FRMD3: variants seen among roughly 807,000 people sequenced by gnomAD.
FRMD3 encodes the protein FERM domain-containing protein 3.
In FRMD3, 33 loss-of-function variants were observed where a neutral mutation model predicts 70.2. The observed-to-expected ratio is 0.47, with a 90% CI of 0.36 to 0.63. The LOEUF is 0.63. FRMD3 is among the 20% of genes least tolerant of loss of function. The probability of loss-of-function intolerance (pLI) is 0.00; values close to 1 mark genes in which losing one functional copy is unlikely to be tolerated. For synonymous variants in FRMD3, 279 were observed against 255.9 expected (o/e 1.09, Z -0.86); for missense variants, 632 against 711.4 (o/e 0.89, Z 1.27).
chr9:83,483,514 TGCTTAA>T (rs1359700698), intron 1 of FRMD3, among the ~76,000 whole-genome samples: 1 of 152,220 alleles, frequency 6.6e-6, no homozygotes, highest in Non-Finnish European at 1.5e-5. Context: ...AATCCTTGTG[TGCTTAA>T]ATGAGCTATT....
intron 13 of FRMD3, among the ~76,000 whole-genome samples, chr9:83,249,455 T>C (rs559074624): frequency 6.6e-6 from 1 of 152,294 alleles, no homozygotes; most frequent in South Asian, 2.1e-4. Flanking sequence ...TCCTCCAGGA[T>C]GGATCTACCA....
At chr9:83,312,063 C>A (rs967298372) in intron 7 of FRMD3, 88 bp from the exon 8 acceptor site, 1 of 1,006,306 alleles carries the variant, frequency 9.9e-7, no homozygotes. Context: ...TTCATCCTCA[C>A]CCTAGGTTAA....
chr9:83,397,481 G>A (rs1468890501), intron 1 of FRMD3, among the ~76,000 whole-genome samples: 1 of 152,104 alleles, frequency 6.6e-6, no homozygotes, highest in Non-Finnish European at 1.5e-5. Flanking sequence ...AATGGAGGAA[G>A]AAAAACTTAA....
intron 1 of FRMD3, among the ~76,000 whole-genome samples, chr9:83,458,283 G>A (rs1416778125): frequency 6.6e-6 from 1 of 152,220 alleles, no homozygotes; most frequent in Non-Finnish European, 1.5e-5. Flanking sequence ...GCTATAGCTG[G>A]ACACAAGGTC....
intron 13 of FRMD3, among the ~76,000 whole-genome samples, chr9:83,250,456 A>G (rs1381617100): frequency 6.6e-6 from 1 of 152,162 alleles, no homozygotes; most frequent in African/African-American, 2.4e-5. Context: ...ATCTATCTGT[A>G]CATATCCCTA....
chr9:83,569,083 G>A, the FRMD3 span, among the ~76,000 whole-genome samples: 2 of 152,048 alleles, frequency 1.3e-5, no homozygotes, highest in Admixed American at 1.3e-4. Flanking sequence ...TCCTGCAGCA[G>A]TCTAGATAAA....
chr9:83,454,322 C>T (rs4877767), intron 1 of FRMD3, among the ~76,000 whole-genome samples: 35,425 of 152,094 alleles, frequency 0.23, 4,911 homozygotes, highest in African/African-American at 0.38. Context: ...CAGTGGGCAG[C>T]AGTAAATGCC....
At chr9:83,527,795 A>G (rs150909636) in intron 1 of FRMD3, among the ~76,000 whole-genome samples, 1 of 152,142 alleles carries the variant, frequency 6.6e-6, no homozygotes, top group Non-Finnish European at 1.5e-5. Flanking sequence ...CAGCTGCAAA[A>G]TCTGCCCAAC....
chr9:83,339,760 A>G (rs979036103), intron 5 of FRMD3, among the ~76,000 whole-genome samples: 1 of 152,168 alleles, frequency 6.6e-6, no homozygotes, highest in African/African-American at 2.4e-5. Context: ...ATCTTCCCAC[A>G]GGAACTTTGT....
intron 1 of FRMD3, among the ~76,000 whole-genome samples, chr9:83,534,705 C>A (rs527857842): frequency 6.6e-6 from 1 of 152,306 alleles, no homozygotes; most frequent in Non-Finnish European, 1.5e-5. Flanking sequence ...TGTATCAAAC[C>A]TAACAAGGCA....
intron 1 of FRMD3, among the ~76,000 whole-genome samples, chr9:83,403,387 G>A (rs757963485): frequency 9.2e-5 from 14 of 152,102 alleles, no homozygotes; most frequent in African/African-American, 2.7e-4. Flanking sequence ...AAGGTGGCTC[G>A]AACACGCATG....
chr9:83,274,959 G>A (rs2118846890), intron 13 of FRMD3, among the ~76,000 whole-genome samples: 2 of 152,314 alleles, frequency 1.3e-5, no homozygotes, highest in Middle Eastern at 6.8e-3. Flanking sequence ...ACAAGGCAAG[G>A]GTGGCTTCCA....
At chr9:83,274,842 C>T (rs1833743450) in intron 13 of FRMD3, among the ~76,000 whole-genome samples, 2 of 152,130 alleles carry the variant, frequency 1.3e-5, no homozygotes, top group South Asian at 4.2e-4. Flanking sequence ...TGCAATGTTC[C>T]AAGAAAGAGA....
At chr9:83,271,806 A>G (rs954579555) in intron 13 of FRMD3, among the ~76,000 whole-genome samples, 1 of 152,170 alleles carries the variant, frequency 6.6e-6, no homozygotes, top group Non-Finnish European at 1.5e-5. Context: ...GTCAATAAAA[A>G]TCCTCTGGAG....
intron 1 of FRMD3, among the ~76,000 whole-genome samples, chr9:83,516,786 T>A (rs934969582): frequency 6.6e-6 from 1 of 152,126 alleles, no homozygotes; most frequent in African/African-American, 2.4e-5. Context: ...CAGACCACAG[T>A]GCAATCAAAT....
rs1168731195 is a variant in FRMD3, at chr9:83,290,678, T to C, written c.1120A>G (p.Ile374Val). Residue 374 changes from isoleucine to valine, a missense_variant, in exon 13 of 14, where the codon ATC becomes GTC. Transcript: ENST00000304195. ...RSSHSLNKQL[I>V]INMEPLQPLL... Reference sequence around the variant, plus strand: ...GGCTGCAGGGGTTCCATGTTAATGATGAGCTGTTTGTTCAAGGAGTGGGAA... The same window carrying C: ...GGCTGCAGGGGTTCCATGTTAATGACGAGCTGTTTGTTCAAGGAGTGGGAA... 7 of 1,613,908 alleles carry C rather than the reference T, an allele frequency of 4.3e-6. No individual in the cohort carries two copies. Among genetic ancestry groups the C allele is most frequent in the Non-Finnish European group, 5.9e-6 (7 of 1,179,844 alleles).
chr9:83,340,349 T>A (rs1823715337), intron 5 of FRMD3, among the ~76,000 whole-genome samples: 1 of 152,280 alleles, frequency 6.6e-6, no homozygotes, highest in East Asian at 1.9e-4. Flanking sequence ...AGATTCTATA[T>A]AAGAGGAAAT....
intron 1 of FRMD3, among the ~76,000 whole-genome samples, chr9:83,470,924 C>T (rs965853770): frequency 6.6e-6 from 1 of 152,210 alleles, no homozygotes; most frequent in Non-Finnish European, 1.5e-5. Flanking sequence ...AGCATTTTCC[C>T]CCATCTGTTT....
At chr9:83,332,624 G>A (rs1003577631) in intron 6 of FRMD3, among the ~76,000 whole-genome samples, 5 of 152,162 alleles carry the variant, frequency 3.3e-5, no homozygotes, top group African/African-American at 1.2e-4. Flanking sequence ...ACCCCCTCCT[G>A]AGGTAAACAT....
Sources: allele counts gnomAD v4.1 joint callset (sites outside exome capture counted in the v4.1 genomes callset), GRCh38; gene constraint gnomAD v4.1.1; transcripts MANE v1.5; gene names NCBI Gene and HGNC (gene_info 2026-07-23, HGNC 2026-07-21).